Variants in PRPH2 observed in about 807,000 individuals in gnomAD.
The protein encoded by PRPH2 is peripherin 2, also known as peripherin-2.
A neutral mutation model predicts 31.3 loss-of-function variants in PRPH2; 17 were observed. The ratio of observed to expected loss-of-function variants is 0.54; its 90% CI spans 0.37 to 0.81. The LOEUF (loss-of-function observed/expected upper bound fraction) is 0.81. Ranked by LOEUF, PRPH2 falls within the 40% of genes least tolerant of loss-of-function variation. The pLI is 0.00. For synonymous variants in PRPH2, 165 were observed against 184.4 expected, an observed-to-expected ratio of 0.89 and a Z score of 0.85; for missense variants, 430 against 439.7, an observed-to-expected ratio of 0.98 and a Z score of 0.20.
At chr6:42,716,962 CTTTTTTTTT>C (rs1161769235) in intron 1 of PRPH2, among the ~76,000 whole-genome samples, 5 of 45,188 alleles carry the variant, frequency 1.1e-4, no homozygotes, top group East Asian at 7.8e-4. Context: ...TCTTTCTTTT[CTTTTTTTTT>C]TTTTTTTTTT....
At position 42,703,890 on chromosome 6, in the gene PRPH2, A is replaced by T. The variant is rs1800094290; in HGVS notation, c.828+475T>A. On this transcript the variant is annotated intron_variant, in intron 2 of 2. Coordinates refer to ENST00000230381, the MANE Select transcript of PRPH2 (RefSeq NM_000322.5). ...GCCGAGGCAGGCAGATCACGAGGTC[A>T]GGAGATCGAGACCATCCTGGCTAAT... Among the ~76,000 whole-genome samples the T allele has an allele frequency of 2.0e-5, 3 of 152,174 alleles. No individual in the cohort carries two copies. The South Asian group carries it at 6.2e-4, about 32-fold the overall frequency.
intron 2 of PRPH2, among the ~76,000 whole-genome samples, chr6:42,701,292 C>A (rs1215960355): frequency 2.0e-5 from 3 of 151,952 alleles, no homozygotes; most frequent in Non-Finnish European, 4.4e-5. Flanking sequence ...CCCGGCTAAT[C>A]TTGTATTTTT....
At chr6:42,704,059 C>T (rs1800098808) in intron 2 of PRPH2, among the ~76,000 whole-genome samples, 1 of 150,946 alleles carries the variant, frequency 6.6e-6, no homozygotes. Flanking sequence ...GAGATCATGC[C>T]ACTGCACTCC....
At chr6:42,716,617 T>TTG (rs796489507) in intron 1 of PRPH2, among the ~76,000 whole-genome samples, 33 of 141,064 alleles carry the variant, frequency 2.3e-4, no homozygotes, top group African/African-American at 7.0e-4. Flanking sequence ...GGTTGGTTTT[T>TTG]TTTTTTTTTT....
At chr6:42,705,602 ATATATATATATATATAT>A (rs1800147887) in intron 1 of PRPH2, among the ~76,000 whole-genome samples, 2 of 11,832 alleles carry the variant, frequency 1.7e-4, no homozygotes, top group Non-Finnish European at 3.1e-4. Flanking sequence ...AAAAAAAAAT[ATATATATATATATATAT>A]ATATATATAT....
At chr6:42,699,195 G>A (rs557931463) in intron 2 of PRPH2, among the ~76,000 whole-genome samples, 3 of 152,072 alleles carry the variant, frequency 2.0e-5, no homozygotes, top group Non-Finnish European at 2.9e-5. Context: ...TAACGTTGCA[G>A]GTGCCTGCCA....
In PRPH2 at chr6:42,703,705, G is replaced by A. The variant is rs149263805; in HGVS notation, c.828+660C>T. ...TCATGGGTGTGAGATTTTCTTGGGG[G>A]CTGATGGAAGTCTTTTGGAACTAGG... On this transcript the variant is annotated intron_variant, in intron 2 of 2. Coordinates refer to ENST00000230381, the MANE Select transcript of PRPH2 (RefSeq NM_000322.5). Among the ~76,000 whole-genome samples, 167 of 152,274 alleles carry A rather than the reference G, an allele frequency of 1.1e-3. 1 individual carries two copies. Among genetic ancestry groups the A allele is most frequent in the African/African-American group, 3.9e-3 (160 of 41,550 alleles).
intron 1 of PRPH2, among the ~76,000 whole-genome samples, chr6:42,707,726 A>G (rs1800193672): frequency 6.6e-6 from 1 of 152,134 alleles, no homozygotes; most frequent in Non-Finnish European, 1.5e-5. Flanking sequence ...TATTATGATT[A>G]AGACTTTCTA....
At position 42,716,991 on chromosome 6, in the gene PRPH2, G is replaced by A. The variant is rs553308496; in HGVS notation, c.581+4763C>T. Among the ~76,000 whole-genome samples, 22 of 69,784 alleles carry A rather than the reference G, an allele frequency of 3.2e-4. 1 individual carries two copies. In the South Asian group the frequency reaches 0.011, roughly 35 times the overall value. 45.8% of individuals were successfully genotyped at this position (69,784 alleles called of 152,430 possible). A position where few individuals can be genotyped will look rare whatever the true frequency, so the allele number is the denominator to read the frequency against. ...TTTTTTTTTTTTTTTTTTTTTGGTA[G>A]AGGTGAAGTCTCATTGTGTTGCCCA... On this transcript the variant is annotated intron_variant, in intron 1 of 2. Transcript: ENST00000230381.
intron 1 of PRPH2, among the ~76,000 whole-genome samples, chr6:42,719,154 T>C (rs945677804): frequency 1.3e-4 from 19 of 147,722 alleles, no homozygotes; most frequent in African/African-American, 4.6e-4. Flanking sequence ...TGTACTTTCA[T>C]TCAGTGGACT....
chr6:42,700,849 C>T (rs1385529708), intron 2 of PRPH2, among the ~76,000 whole-genome samples: 1 of 152,218 alleles, frequency 6.6e-6, no homozygotes, highest in African/African-American at 2.4e-5. Flanking sequence ...TTAAAGGCCC[C>T]AAGTAAAAGG....
At chr6:42,702,640 CT>C (rs1800068422) in intron 2 of PRPH2, among the ~76,000 whole-genome samples, 1 of 90,526 alleles carries the variant, frequency 1.1e-5, no homozygotes, top group Non-Finnish European at 2.5e-5. Context: ...GAGGCCGAGG[CT>C]GGTGGATTAT....
Position 42,698,495 on chromosome 6 carries a change from T to C in PRPH2, c.841A>G (p.Ile281Val). Residue 281 changes from isoleucine (I) to valine (V), a missense_variant, in exon 3 of 3, where the codon ATT becomes GTT. Transcript: ENST00000230381. Reference protein sequence around the residue: ...LIWLFEVTITIGLRYLQTSLD... With the variant: ...LIWLFEVTITVGLRYLQTSLD... Reference sequence around the variant, plus strand: ...GACGTCTGTAGGTAGCGCAGCCCAATTGTAATGGTCACCTGGTGGTGGGAG... The same window carrying C: ...GACGTCTGTAGGTAGCGCAGCCCAACTGTAATGGTCACCTGGTGGTGGGAG... 1 of 1,614,126 alleles carries C rather than the reference T, an allele frequency of 6.2e-7. No individual in the cohort carries two copies. Among genetic ancestry groups the C allele is most frequent in the East Asian group, 2.2e-5 (1 of 44,870 alleles).
chr6:42,716,993 GGTGAAGTCTCATT>G (rs1761800524), intron 1 of PRPH2, among the ~76,000 whole-genome samples: 1 of 101,810 alleles, frequency 9.8e-6, no homozygotes, highest in African/African-American at 4.0e-5. Context: ...TTTTGGTAGA[GGTGAAGTCTCATT>G]GTGTTGCCCA....
chr6:42,713,454 C>T (rs781088791), intron 1 of PRPH2, among the ~76,000 whole-genome samples: 4 of 152,160 alleles, frequency 2.6e-5, no homozygotes, highest in African/African-American at 4.8e-5. Context: ...TTACCACAGG[C>T]GCCGCAGAGC....
At chr6:42,719,795 C>T (rs1582778754) in intron 1 of PRPH2, among the ~76,000 whole-genome samples, 1 of 151,608 alleles carries the variant, frequency 6.6e-6, no homozygotes, top group South Asian at 2.1e-4. Flanking sequence ...TCTCGAACTC[C>T]TGAACTCAGG....
rs745807357 is a variant in PRPH2 at position 42,698,484 on chromosome 6, G to T, written c.852C>A (p.Arg284=). The T allele has an allele frequency of 5.0e-6, 8 of 1,614,210 alleles. No homozygotes were observed. The highest frequency in any genetic ancestry group is 6.8e-6 in the Non-Finnish European group (8 of 1,180,046). ...LFEVTITIGL[R]YLQTSLDGVS... is the part of the protein sequence containing the mutation. ...CACCATCCAGCGACGTCTGTAGGTA[G>T]CGCAGCCCAATTGTAATGGTCACCT... The change falls in exon 3 of 3, where the codon CGC becomes CGA. Residue 284 remains arginine, a synonymous_variant. Coordinates refer to ENST00000230381, the MANE Select transcript of PRPH2 (RefSeq NM_000322.5).
intron 1 of PRPH2, among the ~76,000 whole-genome samples, chr6:42,705,599 A>AATATATATATATATATATATATATATAT (rs1194169404): frequency 1.4e-4 from 3 of 21,528 alleles, no homozygotes; most frequent in Admixed American, 6.4e-4. Flanking sequence ...AAAAAAAAAA[A>AATATATATATATATATATATATATATAT]ATATATATAT....
At position 42,698,436 on chromosome 6, in the gene PRPH2, C is replaced by G. The variant is rs1315438396; in HGVS notation, c.900G>C (p.Glu300Asp). The change falls in exon 3 of 3, where the codon GAG becomes GAC. Residue 300 changes from glutamate (E) to aspartate (D), a missense_variant. Coordinates refer to ENST00000230381, the MANE Select transcript of PRPH2 (RefSeq NM_000322.5). ...CCAGCAGCCAGCCCTGGCTCTCGCT[C>G]TCAGATTCCTCGGGGTTGGACACAC... ...LDGVSNPEES[E>D]SESQGWLLER... The G allele has an allele frequency of 6.2e-7, 1 of 1,614,164 alleles. No homozygotes were observed. The highest frequency in any genetic ancestry group is 2.2e-5 in the East Asian group (1 of 44,870).
Sources: gnomAD v4.1 joint callset for allele counts (sites outside exome capture counted in the v4.1 genomes callset) on GRCh38, gnomAD v4.1.1 for gene constraint, MANE v1.5 for transcripts, NCBI Gene and HGNC (gene_info 2026-07-23, HGNC 2026-07-21) for gene names.